The following PALS2 variants were observed in gnomAD, a reference collection of about 807,000 sequenced individuals.
PALS2 encodes protein associated with LIN7 2, MAGUK p55 family member, also known as protein PALS2.
In PALS2, 27 loss-of-function variants were observed where a neutral mutation model predicts 61.6. The observed-to-expected ratio is 0.44, with a 90% CI of 0.32 to 0.60. The LOEUF (loss-of-function observed/expected upper bound fraction) is 0.60. Among genes scored for constraint, PALS2 ranks in the 20% least tolerant of loss-of-function variants. The pLI is 0.05. For synonymous variants in PALS2, 236 were observed against 218.6 expected (o/e 1.08, Z -0.70); for missense variants, 554 against 639.4 (o/e 0.87, Z 1.44).
intron 9 of PALS2, among the ~76,000 whole-genome samples, chr7:24,670,929 G>A (rs1393756639): frequency 6.6e-6 from 1 of 152,112 alleles, no homozygotes; most frequent in East Asian, 1.9e-4. Context: ...ATATTCATCA[G>A]TTGATGGACA....
chr7:24,683,588 C>G (rs1180302780), intron 11 of PALS2, among the ~76,000 whole-genome samples: 1 of 151,272 alleles, frequency 6.6e-6, no homozygotes, highest in East Asian at 1.9e-4. Flanking sequence ...AACAAATGTT[C>G]CAGGCTCATC....
intron 9 of PALS2, among the ~76,000 whole-genome samples, chr7:24,675,034 A>C (rs1231912156): frequency 6.6e-6 from 1 of 152,216 alleles, no homozygotes; most frequent in East Asian, 1.9e-4. Context: ...TTCATGTTCT[A>C]ATTTCTCTGT....
At chr7:24,605,281 C>T (rs371246939) in intron 1 of PALS2, among the ~76,000 whole-genome samples, 2 of 152,116 alleles carry the variant, frequency 1.3e-5, no homozygotes, top group African/African-American at 4.8e-5. Context: ...TTCACTGCAG[C>T]ATTTCTTGAA....
chr7:24,608,520 T>G (rs918724394), intron 1 of PALS2, among the ~76,000 whole-genome samples: 1 of 152,222 alleles, frequency 6.6e-6, no homozygotes, highest in African/African-American at 2.4e-5. Context: ...ATCTTTGTTC[T>G]GCATTTGGAA....
intron 1 of PALS2, among the ~76,000 whole-genome samples, chr7:24,584,744 A>G (rs1206063569): frequency 5.3e-5 from 8 of 151,888 alleles, no homozygotes; most frequent in South Asian, 2.1e-4. Flanking sequence ...GCCCATGCCT[A>G]TGTCCTGAAT....
At chr7:24,621,820 A>G (rs1424720592) in intron 1 of PALS2, among the ~76,000 whole-genome samples, 2 of 152,028 alleles carry the variant, frequency 1.3e-5, no homozygotes, top group Admixed American at 6.5e-5. Context: ...GATTTATTCT[A>G]TGAGCTAAGA....
chr7:24,668,357 A>G (rs2128089054), intron 8 of PALS2, 142 bp from the exon 9 acceptor site: 1 of 728,356 alleles, frequency 1.4e-6, no homozygotes, highest in Non-Finnish European at 2.1e-6. Context: ...CCAAATTTGT[A>G]AAAACAAATC....
intron 10 of PALS2, among the ~76,000 whole-genome samples, chr7:24,679,987 G>A (rs2529049): frequency 0.4 from 60,882 of 152,022 alleles, 16,553 homozygotes; most frequent in African/African-American, 0.78. Context: ...AGATCTTTTT[G>A]TGGTAGTTAC....
chr7:24,607,662 TAC>T lies in PALS2; in HGVS notation c.-2-15996_-2-15995del, dbSNP rs961006603. Among the ~76,000 whole-genome samples the T allele has an allele frequency of 1.9e-3, 288 of 151,748 alleles. 1 individual carries two copies. Among genetic ancestry groups the T allele is most frequent in the African/African-American group, 6.5e-3 (270 of 41,412 alleles). ...ATGTATGTATATGTATGCGTATGTA[TAC>T]ACACACATATACATATGTGTGTGTA... On this transcript the variant is annotated intron_variant, in intron 1 of 11. Coordinates refer to ENST00000222644, the MANE Select transcript of PALS2 (RefSeq NM_001303037.2).
At chr7:24,590,981 T>G (rs917734486) in intron 1 of PALS2, among the ~76,000 whole-genome samples, 19 of 152,224 alleles carry the variant, frequency 1.2e-4, no homozygotes, top group Non-Finnish European at 2.6e-4. Context: ...GTTTTCTAAC[T>G]TCTAAGCAGT....
At chr7:24,672,640 C>G (rs951500472) in intron 9 of PALS2, among the ~76,000 whole-genome samples, 1 of 151,914 alleles carries the variant, frequency 6.6e-6, no homozygotes, top group South Asian at 2.1e-4. Flanking sequence ...ACATTTATTC[C>G]TGAGTATTTT....
At chr7:24,686,142 C>G (rs758781714) in intron 11 of PALS2, among the ~76,000 whole-genome samples, 1 of 152,182 alleles carries the variant, frequency 6.6e-6, no homozygotes, top group Non-Finnish European at 1.5e-5. Context: ...TTGACTCATT[C>G]ATTTTCCTCC....
At chr7:24,634,649 CCT>C (rs1562629226) in intron 2 of PALS2, among the ~76,000 whole-genome samples, 1 of 152,082 alleles carries the variant, frequency 6.6e-6, no homozygotes, top group Non-Finnish European at 1.5e-5. Flanking sequence ...AAGATTTACC[CCT>C]GTGTTTCCGA....
chr7:24,576,445 A>C (rs1313496521), intron 1 of PALS2, among the ~76,000 whole-genome samples: 1 of 152,184 alleles, frequency 6.6e-6, no homozygotes. Flanking sequence ...TAGTGTGCTG[A>C]GGAGGATGCA....
At chr7:24,592,563 G>A (rs982786973) in intron 1 of PALS2, among the ~76,000 whole-genome samples, 6 of 152,042 alleles carry the variant, frequency 3.9e-5, no homozygotes, top group Non-Finnish European at 4.4e-5. Context: ...CACTGCTTTG[G>A]TATTGGGTAT....
intron 1 of PALS2, chr7:24,597,036 A>T (rs906146834): frequency 1.3e-5 from 2 of 152,152 alleles, no homozygotes; most frequent in African/African-American, 4.8e-5. Context: ...GCATCAGAGA[A>T]TGGGTAGTTG....
At chr7:24,597,207 A>G (rs1409277333) in intron 1 of PALS2, 1 of 152,186 alleles carries the variant, frequency 6.6e-6, no homozygotes, top group African/African-American at 2.4e-5. Context: ...TGCTGTAACT[A>G]ATACTTGGAA....
At chr7:24,575,496 C>T (rs1382817372) in intron 1 of PALS2, among the ~76,000 whole-genome samples, 1 of 152,132 alleles carries the variant, frequency 6.6e-6, no homozygotes, top group African/African-American at 2.4e-5. Context: ...CTCCCCACTC[C>T]CCCTCTTTTT....
At chr7:24,682,503 C>T (rs1297236417) in intron 11 of PALS2, among the ~76,000 whole-genome samples, 1 of 152,172 alleles carries the variant, frequency 6.6e-6, no homozygotes, top group African/African-American at 2.4e-5. Context: ...GGCTCACTCT[C>T]CCCATCCTAC....
Sources: gnomAD v4.1 joint callset for allele counts (sites outside exome capture counted in the v4.1 genomes callset) on GRCh38, gnomAD v4.1.1 for gene constraint, MANE v1.5 for transcripts, NCBI Gene and HGNC (gene_info 2026-07-23, HGNC 2026-07-21) for gene names.